The following CTTNBP2 variants were observed in gnomAD, a reference collection of about 807,000 sequenced individuals.
CTTNBP2 encodes cortactin-binding protein 2.
CTTNBP2 carries 108 observed loss-of-function variants against 156.9 expected under a neutral mutation model. The ratio of observed to expected loss-of-function variants is 0.69; its 90% CI spans 0.59 to 0.81. The LOEUF (loss-of-function observed/expected upper bound fraction) is 0.81, where lower values mean the gene tolerates loss of function less well. CTTNBP2 is among the 30% of genes least tolerant of loss of function. The probability of loss-of-function intolerance (pLI) is 0.00; values close to 1 mark genes in which losing one functional copy is unlikely to be tolerated. For synonymous variants in CTTNBP2, 767 were observed against 751.8 expected (o/e 1.02, Z -0.33); for missense variants, 1,924 against 2,035.4 (o/e 0.95, Z 1.05).
chr7:117,738,758 G>A (rs1159414127), intron 14 of CTTNBP2, among the ~76,000 whole-genome samples: 1 of 152,160 alleles, frequency 6.6e-6, no homozygotes, highest in Non-Finnish European at 1.5e-5. Context: ...GCAGCAGGTG[G>A]TGGGGCATGA....
chr7:117,804,414 C>CA (rs1314769824), intron 3 of CTTNBP2, among the ~76,000 whole-genome samples: 1 of 152,090 alleles, frequency 6.6e-6, no homozygotes, highest in African/African-American at 2.4e-5. Flanking sequence ...GTATTTCTAC[C>CA]AAAAATGCAA....
chr7:117,789,119 G>A (rs1234954007), intron 4 of CTTNBP2, among the ~76,000 whole-genome samples: 4 of 152,048 alleles, frequency 2.6e-5, no homozygotes, highest in African/African-American at 9.7e-5. Flanking sequence ...ATAGATAATA[G>A]ATTAGTAAAT....
At chr7:117,742,330 T>A (rs1284177017) in intron 14 of CTTNBP2, among the ~76,000 whole-genome samples, 1 of 151,864 alleles carries the variant, frequency 6.6e-6, no homozygotes, top group Non-Finnish European at 1.5e-5. Flanking sequence ...ACATGCAGAG[T>A]GGAAAAGCAA....
chr7:117,797,467 GAA>G (rs1248799473), intron 3 of CTTNBP2, among the ~76,000 whole-genome samples: 1 of 152,124 alleles, frequency 6.6e-6, no homozygotes, highest in Non-Finnish European at 1.5e-5. Context: ...CTAGTCTAGA[GAA>G]AAGTAGTCAA....
intron 1 of CTTNBP2, among the ~76,000 whole-genome samples, chr7:117,870,531 A>G (rs569604009): frequency 1.3e-5 from 2 of 152,356 alleles, no homozygotes; most frequent in Admixed American, 1.3e-4. Context: ...AACAAATTTT[A>G]TACCTACTTC....
At chr7:117,758,752 G>A (rs1797024985) in intron 10 of CTTNBP2, among the ~76,000 whole-genome samples, 1 of 152,156 alleles carries the variant, frequency 6.6e-6, no homozygotes, top group South Asian at 2.1e-4. Context: ...TGGTTACAGC[G>A]AGGCACTAAA....
chr7:117,746,356 G>T (rs1463609395), intron 12 of CTTNBP2, among the ~76,000 whole-genome samples: 1 of 152,182 alleles, frequency 6.6e-6, no homozygotes. Flanking sequence ...GCGAGGGTCT[G>T]CAGGGTAGCT....
intron 2 of CTTNBP2, among the ~76,000 whole-genome samples, chr7:117,844,036 C>A (rs1160150969): frequency 2.9e-5 from 4 of 137,234 alleles, no homozygotes; most frequent in Admixed American, 1.5e-4. Context: ...GGCATGACAA[C>A]AGAAGCAGAA....
chr7:117,725,331 A>G (rs1438994110), intron 17 of CTTNBP2, 74 bp from the exon 18 acceptor site: 3 of 1,368,432 alleles, frequency 2.2e-6, no homozygotes, highest in South Asian at 1.2e-5. Flanking sequence ...GTGAAAGGAC[A>G]GTTTGAAGAC....
At chr7:117,831,228 G>A (rs1801593995) in intron 2 of CTTNBP2, among the ~76,000 whole-genome samples, 1 of 152,136 alleles carries the variant, frequency 6.6e-6, no homozygotes. Flanking sequence ...GGCTCCAACA[G>A]CCTTCATTAG....
intron 12 of CTTNBP2, among the ~76,000 whole-genome samples, chr7:117,752,073 G>A (rs1358774707): frequency 6.6e-6 from 1 of 152,196 alleles, no homozygotes; most frequent in Non-Finnish European, 1.5e-5. Flanking sequence ...TACCAGGGTT[G>A]TGGGATGTCT....
intron 18 of CTTNBP2, 75 bp downstream of exon 18, chr7:117,724,977 C>A: frequency 7.3e-7 from 1 of 1,367,252 alleles, no homozygotes. Flanking sequence ...AGAAAGAAAG[C>A]TCTCTAAAAA....
intron 16 of CTTNBP2, among the ~76,000 whole-genome samples, chr7:117,730,507 A>T (rs183332996): frequency 1.3e-5 from 2 of 152,306 alleles, no homozygotes; most frequent in East Asian, 3.9e-4. Flanking sequence ...TCAAGAAGAG[A>T]CAAGGCTTAA....
At chr7:117,720,805 T>C (rs946944259) in intron 20 of CTTNBP2, among the ~76,000 whole-genome samples, 2 of 152,258 alleles carry the variant, frequency 1.3e-5, no homozygotes, top group Non-Finnish European at 2.9e-5. Context: ...AAACCTATAA[T>C]ATTTCTAACC....
At chr7:117,815,331 C>T (rs867399674) in intron 2 of CTTNBP2, among the ~76,000 whole-genome samples, 42 of 152,166 alleles carry the variant, frequency 2.8e-4, no homozygotes, top group South Asian at 8.3e-4. Context: ...GAATGCAGTG[C>T]ACTCACAACA....
Position 117,724,712 on chromosome 7 carries a change from C to T in CTTNBP2, c.4282G>A (p.Asp1428Asn), listed in dbSNP as rs1304175070. The stretch of plus-strand genomic sequence containing the variant: ...AAAGGGAAACTTCCTCCTTTGAAAT[C>T]AGCTGTATGCTGGTCTAGCTCTGAA... ...PRAELDQHTA[D>N]FKGGSFPLSI... The change falls in exon 19 of 23, where the codon GAT (aspartate) becomes AAT (asparagine). Residue 1428 changes from aspartate to asparagine, a missense_variant. Transcript: ENST00000160373. 1 of 1,614,146 alleles carries T rather than the reference C, an allele frequency of 6.2e-7. No individual in the cohort carries two copies. Among genetic ancestry groups the T allele is most frequent in the Admixed American group, 1.7e-5 (1 of 60,016 alleles).
At chr7:117,715,225 G>A (rs1001927622) in intron 22 of CTTNBP2, among the ~76,000 whole-genome samples, 1 of 152,094 alleles carries the variant, frequency 6.6e-6, no homozygotes. Flanking sequence ...AAGGTTCTAT[G>A]GGGAGGAGTA....
At chr7:117,789,105 G>A (rs1798856965) in intron 4 of CTTNBP2, among the ~76,000 whole-genome samples, 1 of 152,054 alleles carries the variant, frequency 6.6e-6, no homozygotes, top group South Asian at 2.1e-4. Context: ...GGATATCCTG[G>A]TGAATAGATA....
At chr7:117,801,104 A>C (rs1245778468) in intron 3 of CTTNBP2, among the ~76,000 whole-genome samples, 1 of 152,206 alleles carries the variant, frequency 6.6e-6, no homozygotes, top group Non-Finnish European at 1.5e-5. Context: ...ATAAACAAGT[A>C]AACAGGGGAG....
Sources: allele counts gnomAD v4.1 joint callset (sites outside exome capture counted in the v4.1 genomes callset), GRCh38; gene constraint gnomAD v4.1.1; transcripts MANE v1.5; gene names NCBI Gene and HGNC (gene_info 2026-07-23, HGNC 2026-07-21).